The following FGF12 variants were observed in gnomAD, a reference collection of about 807,000 sequenced individuals.
FGF12 encodes fibroblast growth factor 12.
Under a neutral mutation model 23.6 loss-of-function variants are expected in FGF12, and 14 were observed. The ratio of observed to expected loss-of-function variants is 0.59; its 90% confidence interval spans 0.39 to 0.93. FGF12 has a LOEUF of 0.93. Among genes scored for constraint, FGF12 ranks in the 40% least tolerant of loss-of-function variants. The pLI is 0.00. For synonymous variants in FGF12, 62 were observed against 77.3 expected (o/e 0.80, Z 1.04); for missense variants, 175 against 217.8 (o/e 0.80, Z 1.24).
rs149437140 is a variant in FGF12, at chr3:192,309,435, G to A, written c.228+25926C>T. On this transcript the variant is annotated intron_variant, in intron 4 of 5. Transcript: ENST00000445105. Reference sequence around the variant, plus strand: ...TGTTGGGTGGGTGATGGGGGTGAGAGAGTTTGCAGGAAACTGGAAGATGGG... The same window carrying A: ...TGTTGGGTGGGTGATGGGGGTGAGAAAGTTTGCAGGAAACTGGAAGATGGG... Among the ~76,000 whole-genome samples the A allele has an allele frequency of 2.2e-4, 34 of 152,324 alleles. No individual in the cohort carries two copies. In the East Asian group the frequency reaches 6.0e-3, roughly 27 times the overall value.
intron 4 of FGF12, among the ~76,000 whole-genome samples, chr3:192,207,184 T>C (rs1051873717): frequency 3.9e-5 from 6 of 152,184 alleles, no homozygotes; most frequent in Non-Finnish European, 5.9e-5. Context: ...TTCATAATTG[T>C]ATTGAAAGTC....
chr3:192,251,645 T>A (rs539677457), intron 4 of FGF12, among the ~76,000 whole-genome samples: 1 of 152,128 alleles, frequency 6.6e-6, no homozygotes, highest in East Asian at 1.9e-4. Context: ...TACAAAGGAA[T>A]ACTACATTGC....
At chr3:192,322,983 T>A (rs1000753209) in intron 4 of FGF12, among the ~76,000 whole-genome samples, 1 of 152,198 alleles carries the variant, frequency 6.6e-6, no homozygotes, top group African/African-American at 2.4e-5. Context: ...CTCATCATCA[T>A]TGATCATCAG....
At chr3:192,610,515 A>G (rs1043214709) in intron 2 of FGF12, among the ~76,000 whole-genome samples, 8 of 151,886 alleles carry the variant, frequency 5.3e-5, no homozygotes, top group African/African-American at 1.7e-4. Flanking sequence ...CCAAACCACA[A>G]TTATCTCATC....
chr3:192,160,359 A>G (rs1418604240), intron 5 of FGF12, among the ~76,000 whole-genome samples: 1 of 152,038 alleles, frequency 6.6e-6, no homozygotes, highest in African/African-American at 2.4e-5. Flanking sequence ...TTCTAGTCAC[A>G]TTGGCTTTCT....
intron 4 of FGF12, among the ~76,000 whole-genome samples, chr3:192,180,132 C>A (rs991256062): frequency 2.6e-5 from 4 of 151,560 alleles, no homozygotes; most frequent in Middle Eastern, 3.2e-3. Flanking sequence ...ACTTTTCTTT[C>A]TCTGGTAGAG....
chr3:192,532,968 C>T (rs950737606), intron 2 of FGF12, among the ~76,000 whole-genome samples: 23 of 152,124 alleles, frequency 1.5e-4, no homozygotes, highest in Admixed American at 1.5e-3. Flanking sequence ...TTCTCCTACA[C>T]ACCATCACAA....
intron 2 of FGF12, among the ~76,000 whole-genome samples, chr3:192,636,120 T>C (rs1348622664): frequency 6.6e-6 from 1 of 152,210 alleles, no homozygotes; most frequent in African/African-American, 2.4e-5. Context: ...AAATCCTTGA[T>C]GTACTGAGAC....
rs755918740 is a variant in FGF12 at position 192,605,867 on chromosome 3, C to T, written c.13+121314G>A. Among the ~76,000 whole-genome samples, 78 of 152,050 alleles carry T rather than the reference C, an allele frequency of 5.1e-4. 2 individuals carry two copies. Among genetic ancestry groups the T allele is most frequent in the Non-Finnish European group, 1.9e-4 (13 of 68,016 alleles). On this transcript the variant is annotated intron_variant, in intron 2 of 5. Transcript: ENST00000445105. ...TGGCTATTATTAAAAAGTCAAAACA[C>T]AATAGATGTTGGTGAGCTGTAGAGA...
intron 4 of FGF12, among the ~76,000 whole-genome samples, chr3:192,326,692 C>T (rs1716837830): frequency 1.3e-5 from 2 of 152,118 alleles, no homozygotes; most frequent in Admixed American, 1.3e-4. Flanking sequence ...TGATAGGCTG[C>T]CCCGGTTTTC....
rs901566513 is a variant in FGF12 at position 192,205,144 on chromosome 3, A to G, written c.229-34488T>C. On this transcript the variant is annotated intron_variant, in intron 4 of 5. Transcript: ENST00000445105. The stretch of plus-strand genomic sequence containing the variant: ...AATTATGACAGCCATTAGAAAAAAA[A>G]AGATTAATCTAATTTAGAAAATCTC... Among the ~76,000 whole-genome samples the G allele has an allele frequency of 8.5e-5, 13 of 152,186 alleles. No homozygotes were observed. In the East Asian group the frequency reaches 1.2e-3, roughly 14 times the overall value.
chr3:192,535,474 C>G (rs1481233452), intron 2 of FGF12, among the ~76,000 whole-genome samples: 2 of 152,154 alleles, frequency 1.3e-5, no homozygotes, highest in Admixed American at 6.5e-5. Context: ...TGGAATTAAT[C>G]TGCAGAACAA....
chr3:192,309,226 T>C (rs958413590), intron 4 of FGF12, among the ~76,000 whole-genome samples: 7 of 152,202 alleles, frequency 4.6e-5, no homozygotes, highest in Non-Finnish European at 8.8e-5. Flanking sequence ...ACTGCTGCTA[T>C]GATTTAGACC....
At chr3:192,644,137 A>G (rs1017185029) in intron 2 of FGF12, among the ~76,000 whole-genome samples, 16 of 152,114 alleles carry the variant, frequency 1.1e-4, no homozygotes, top group African/African-American at 3.4e-4. Flanking sequence ...CTTCCCTAAC[A>G]ATTTTTTTTA....
chr3:192,350,764 T>C (rs1718183388), intron 3 of FGF12, among the ~76,000 whole-genome samples: 1 of 152,130 alleles, frequency 6.6e-6, no homozygotes, highest in Non-Finnish European at 1.5e-5. Context: ...TAAAACGTTA[T>C]TGGTCATAGG....
chr3:192,661,293 G>A (rs1475223180), intron 2 of FGF12, among the ~76,000 whole-genome samples: 3 of 152,208 alleles, frequency 2.0e-5, no homozygotes, highest in Admixed American at 6.5e-5. Context: ...AGGCCAAGGC[G>A]GGCGGATCAC....
At chr3:192,505,787 A>G (rs1329791265) in intron 2 of FGF12, among the ~76,000 whole-genome samples, 2 of 152,254 alleles carry the variant, frequency 1.3e-5, no homozygotes, top group East Asian at 3.8e-4. Flanking sequence ...AAATCTGGGA[A>G]GGAGATTTTA....
At chr3:192,361,169 CAAAAAA>C (rs10651290) in intron 2 of FGF12, among the ~76,000 whole-genome samples, 233 of 98,764 alleles carry the variant, frequency 2.4e-3, no homozygotes, top group East Asian at 8.2e-3. Flanking sequence ...TTCTCCAGTA[CAAAAAA>C]AAAAAAAAAA....
chr3:192,251,339 T>C (rs1443571434), intron 4 of FGF12, among the ~76,000 whole-genome samples: 2 of 152,208 alleles, frequency 1.3e-5, no homozygotes, highest in East Asian at 1.9e-4. Context: ...TCATGCTGTG[T>C]ATTGTCTATA....
Sources: gnomAD v4.1 joint callset for allele counts (sites outside exome capture counted in the v4.1 genomes callset) on GRCh38, gnomAD v4.1.1 for gene constraint, MANE v1.5 for transcripts, NCBI Gene and HGNC (gene_info 2026-07-23, HGNC 2026-07-21) for gene names.